CXXC1: variants seen among roughly 807,000 people sequenced by gnomAD.
CXXC1 encodes CXXC finger protein 1.
Under a neutral mutation model 83.6 loss-of-function variants are expected in CXXC1, and 21 were observed. That is an observed-to-expected ratio of 0.25 (90% confidence interval 0.18 to 0.36). The LOEUF (loss-of-function observed/expected upper bound fraction) is 0.36, where lower values mean the gene tolerates loss of function less well. Ranked by LOEUF, CXXC1 falls within the 10% of genes least tolerant of loss-of-function variation. The probability of loss-of-function intolerance (pLI) is 1.00; values close to 1 mark genes in which losing one functional copy is unlikely to be tolerated. For missense variants in CXXC1, 688 were observed against 919.5 expected, an observed-to-expected ratio of 0.75 and a Z score of 3.26; for synonymous variants, 371 against 337.5, an observed-to-expected ratio of 1.10 and a Z score of -1.09.
rs1272791367 is a variant in CXXC1 at position 50,286,272 on chromosome 18, G to A, written c.224-15C>T. 1.2e-5 allele frequency: 19 copies of A among 1,584,196 alleles called. No homozygotes were observed. Among genetic ancestry groups the A allele is most frequent in the Non-Finnish European group, 1.6e-5 (19 of 1,165,178 alleles). On this transcript the variant is annotated splice_polypyrimidine_tract_variant and intron_variant, in intron 3 of 14. Transcript: ENST00000285106. ...GGGGTCTTTCTCTGTGGGGCAGAGA[G>A]TAGGGCCAAAGTGAGTGAGCACTGG...
rs768767279 is a variant in CXXC1, at chr18:50,286,249, G to A, written c.232C>T (p.Pro78Ser). The stretch of plus-strand genomic sequence containing the variant: ...TGCCGATAGCGAATCTCTAGCTTGG[G>A]GTCTTTCTCTGTGGGGCAGAGAGTA... ...WYCRECREKD[P>S]KLEIRYRHKK... Residue 78 changes from proline (P) to serine (S), a missense_variant, in exon 4 of 15, where the codon CCC becomes TCC. Physicochemically the swap from Pro to Ser is moderately conservative, Grantham distance 74. This residue lies in a region of CXXC1 where 142 missense variants were observed against 150.7 expected (regional missense o/e 0.94). Coordinates refer to ENST00000285106, the MANE Select transcript of CXXC1 (RefSeq NM_014593.4). 1.7e-5 allele frequency: 27 copies of A among 1,604,970 alleles called. No individual in the cohort carries two copies. Among genetic ancestry groups the A allele is most frequent in the African/African-American group, 9.3e-5 (7 of 74,928 alleles).
Position 50,282,840 on chromosome 18 carries a change from G to A in CXXC1, c.1824+14C>T, listed in dbSNP as rs1344094407. 1.2e-6 allele frequency: 2 copies of A among 1,613,776 alleles called. No individual in the cohort carries two copies. ...ACCTACCACATGCAGCACCAAAACC[G>A]CACAGAAACCTACCACACGCACGCG... On this transcript the variant is annotated intron_variant, in intron 14 of 14. Coordinates refer to ENST00000285106, the MANE Select transcript of CXXC1 (RefSeq NM_014593.4). The surrounding 1 kb of genome is among the most constrained non-coding windows in gnomAD (Gnocchi z 5.8).
At position 50,284,720 on chromosome 18, in the gene CXXC1, C is replaced by CCT. The variant is rs2040685125; in HGVS notation, c.1020+10_1020+11dup. 1 of 1,612,466 alleles carries CCT rather than the reference C, an allele frequency of 6.2e-7. No individual in the cohort carries two copies. Among genetic ancestry groups the CCT allele is most frequent in the African/African-American group, 1.3e-5 (1 of 74,970 alleles). ...CTCTGCCTTTCCACATCCACTTTAC[C>CCT]CTCTCCATCACCTTCTTCTCAGACT... On this transcript the variant is annotated intron_variant, in intron 8 of 14. Transcript: ENST00000285106.
chr18:50,286,650 T>C lies in CXXC1; in HGVS notation c.123-11A>G, dbSNP rs201261811. 791 of 1,613,900 alleles carry C rather than the reference T, an allele frequency of 4.9e-4. 11 individuals carry two copies. In the East Asian group the frequency reaches 0.017, roughly 34 times the overall value. On this transcript the variant is annotated splice_polypyrimidine_tract_variant and intron_variant, in intron 2 of 14. Transcript: ENST00000285106. ...CAGTTGTCACACCCGCTGCAGAGGA[T>C]GGGGCAGGCGATGGAGATGTGAGGG... is the stretch of plus-strand genomic sequence containing the variant.
At chr18:50,283,412 C>T in intron 12 of CXXC1, 51 bp from the exon 13 acceptor site, 1 of 1,601,234 alleles carries the variant, frequency 6.2e-7, no homozygotes, top group Non-Finnish European at 8.6e-7. Context: ...GGAGGTCCAT[C>T]TGTCCTGGCT....
At position 50,282,626 on chromosome 18, in the gene CXXC1, G is replaced by T. The variant is rs532001460; in HGVS notation, c.1938C>A (p.Leu646=). The change falls in exon 15 of 15, where the codon CTC becomes CTA. Residue 646 remains leucine (L), a synonymous_variant. Coordinates refer to ENST00000285106, the MANE Select transcript of CXXC1 (RefSeq NM_014593.4). This position sits in a 1 kb window ranked among gnomAD's most constrained non-coding sequence, Gnocchi z 5.8. ...CGGCACTGGAGCGCAGGTCGGTAGT[G>T]AGGGGATCGTGCTGGATCGTCTGGT... The part of the protein sequence containing the change: ...MLHQTIQHDP[L]TTDLRSSADR The T allele has an allele frequency of 2.2e-5, 35 of 1,611,962 alleles. No homozygotes were observed. In the Admixed American group the frequency reaches 3.2e-4, roughly 15 times the overall value.
In CXXC1 at chr18:50,284,280, C is replaced by T. The variant is rs1378831190; in HGVS notation, c.1205+98G>A. On this transcript the variant is annotated intron_variant, in intron 9 of 14. Transcript: ENST00000285106. ...TGAGTGGGTAGTGGCTGTTTGGTGA[C>T]TGGTGGATAGCTGATTGACTGGTAG... 7.9e-6 allele frequency: 12 copies of T among 1,514,826 alleles called. No homozygotes were observed. In the African/African-American group the frequency reaches 1.4e-4, roughly 17 times the overall value. The allele number at this position is 1,514,826 out of a possible 1,614,324, so 93.8% of individuals were successfully genotyped here.
intron 1 of CXXC1, 164 bp downstream of exon 1, chr18:50,287,423 C>T: frequency 1.2e-6 from 1 of 835,986 alleles, no homozygotes; most frequent in Non-Finnish European, 1.9e-6. Flanking sequence ...CGTGGCTCAC[C>T]ATAGAACTCC....
At position 50,284,582 on chromosome 18, in the gene CXXC1, A is replaced by C. The variant is rs1204747019; in HGVS notation, c.1021-20T>G. 1.3e-6 allele frequency: 2 copies of C among 1,580,118 alleles called. No individual in the cohort carries two copies. The highest frequency in any genetic ancestry group is 1.7e-6 in the Non-Finnish European group (2 of 1,160,632). On this transcript the variant is annotated intron_variant, in intron 8 of 14. Transcript: ENST00000285106. ...CTCCTTCTGTTGAGCAAGACAAGTC[A>C]GGTCAGGGTGGAGTCAAAGTCAGCC...
chr18:50,283,952 T>C lies in CXXC1; in HGVS notation c.1355A>G (p.His452Arg). The change falls in exon 10 of 15, where the codon CAT becomes CGT. Residue 452 changes from histidine to arginine, a missense_variant. Physicochemically the swap from His to Arg is conservative, Grantham distance 29. This residue lies in a region of CXXC1 where 100 missense variants were observed against 142.5 expected (regional missense o/e 0.70). Transcript: ENST00000285106. Reference protein sequence around the residue: ...TRLQEMERRFHELEAIILRAK... With the variant: ...TRLQEMERRFRELEAIILRAK... ...ACGTAGAATGATGGCCTCAAGCTCA[T>C]GGAATCGGCGTTCCATTTCCTGAAG... is the stretch of plus-strand genomic sequence containing the variant. 2 of 1,613,962 alleles carry C rather than the reference T, an allele frequency of 1.2e-6. No individual in the cohort carries two copies. Among genetic ancestry groups the C allele is most frequent in the Non-Finnish European group, 1.7e-6 (2 of 1,180,004 alleles).
chr18:50,284,242 G>C lies in CXXC1; in HGVS notation c.1205+136C>G, dbSNP rs780621181. On this transcript the variant is annotated intron_variant, in intron 9 of 14. Coordinates refer to ENST00000285106, the MANE Select transcript of CXXC1 (RefSeq NM_014593.4). ...GATGGACACACGGGCAGGTGGGTGGGTAGGTGGATGGGTGAGTGGGTAGTG... is the reference window on the plus strand; with the variant it reads ...GATGGACACACGGGCAGGTGGGTGGCTAGGTGGATGGGTGAGTGGGTAGTG... The C allele has an allele frequency of 6.2e-6, 9 of 1,443,250 alleles. No homozygotes were observed. In the African/African-American group the frequency reaches 8.3e-5, roughly 13 times the overall value. The allele number at this position is 1,443,250 out of a possible 1,614,324, so 89.4% of individuals were successfully genotyped here.
Position 50,284,707 on chromosome 18 carries a change from ACATCCACTTTACCCTCTC to A in CXXC1, c.1020+7_1020+24del. The stretch of plus-strand genomic sequence containing the variant: ...CCTCAACCCCACCCTCTGCCTTTCC[ACATCCACTTTACCCTCTC>A]CATCACCTTCTTCTCAGACTTCTTC... On this transcript the variant is annotated splice_region_variant and intron_variant, in intron 8 of 14. Transcript: ENST00000285106. The A allele has an allele frequency of 6.2e-7, 1 of 1,610,422 alleles. No homozygotes were observed. The highest frequency in any genetic ancestry group is 1.1e-5 in the South Asian group (1 of 90,744).
At chr18:50,283,672 A>G (rs369609808) in intron 11 of CXXC1, 33 bp downstream of exon 11, 25 of 1,610,680 alleles carry the variant, frequency 1.6e-5, no homozygotes, top group Middle Eastern at 1.6e-4. Context: ...TGATGTTCCC[A>G]CATGGTCCGC....
At chr18:50,287,035 T>C (rs2040725840) in intron 1 of CXXC1, 177 bp from the exon 2 acceptor site, 1 of 601,662 alleles carries the variant, frequency 1.7e-6, no homozygotes, top group African/African-American at 1.9e-5. Flanking sequence ...TCCTCTGACA[T>C]CCTATTACTC....
chr18:50,286,990 C>T (rs2040725177), intron 1 of CXXC1, 132 bp from the exon 2 acceptor site: 2 of 686,340 alleles, frequency 2.9e-6, no homozygotes, highest in Non-Finnish European at 5.3e-6. Context: ...CCCCAAAAAA[C>T]CTCTCCATCA....
Position 50,283,506 on chromosome 18 carries a change from C to T in CXXC1, c.1574+9G>A, listed in dbSNP as rs1418558755. 9 of 1,613,930 alleles carry T rather than the reference C, an allele frequency of 5.6e-6. No homozygotes were observed. Among genetic ancestry groups the T allele is most frequent in the Non-Finnish European group, 7.6e-6 (9 of 1,179,914 alleles). On this transcript the variant is annotated intron_variant, in intron 12 of 14. Transcript: ENST00000285106. ...CCCCCACCTCTCACTGCGTGGCACC[C>T]TCACTTACCCTTCAATGCGTGTGGG...
Position 50,285,905 on chromosome 18 carries a change from C to G in CXXC1, c.483G>C (p.Gln161His). The change falls in exon 5 of 15, where the codon CAG becomes CAC. Residue 161 changes from glutamine (Q) to histidine (H), a missense_variant. This residue lies in a region of CXXC1 where 35 missense variants were observed against 92.2 expected (regional missense o/e 0.38). Coordinates refer to ENST00000285106, the MANE Select transcript of CXXC1 (RefSeq NM_014593.4). This position sits in a 1 kb window ranked among gnomAD's most constrained non-coding sequence, Gnocchi z 4.4. ...PSQHHQQQQQ[Q>H]IKRSARMCGE... is the part of the protein sequence containing the mutation. ...CACACATGCGGGCTGACCGTTTGATCTGCTGCTGCTGCTGCTGGTGATGCT... is the reference window on the plus strand; with the variant it reads ...CACACATGCGGGCTGACCGTTTGATGTGCTGCTGCTGCTGCTGGTGATGCT... 1.3e-6 allele frequency: 2 copies of G among 1,535,312 alleles called. No homozygotes were observed. Among genetic ancestry groups the G allele is most frequent in the Non-Finnish European group, 1.8e-6 (2 of 1,125,598 alleles).
intron 2 of CXXC1, 42 bp downstream of exon 2, chr18:50,286,698 C>G: frequency 6.2e-7 from 1 of 1,609,900 alleles, no homozygotes; most frequent in Non-Finnish European, 8.5e-7. Context: ...GGCCTCACCC[C>G]ACCCTGCCAG....
In CXXC1 at chr18:50,284,078, T is replaced by G; in HGVS notation, c.1229A>C (p.Gln410Pro). The G allele has an allele frequency of 2.5e-6, 4 of 1,607,726 alleles. No homozygotes were observed. Among genetic ancestry groups the G allele is most frequent in the Non-Finnish European group, 3.4e-6 (4 of 1,178,512 alleles). ...AANRIYEILP[Q>P]RIQQWQQSPC... is the part of the protein sequence containing the mutation. ...GCTCTGCTGCCACTGCTGGATGCGCTGGGGGAGGATCTCGTAGATGCGGCT... is the reference window on the plus strand; with the variant it reads ...GCTCTGCTGCCACTGCTGGATGCGCGGGGGGAGGATCTCGTAGATGCGGCT... Residue 410 changes from glutamine (Q) to proline (P), a missense_variant, in exon 10 of 15, where the codon CAG becomes CCG. By Grantham distance (76) the Gln-to-Pro change is moderately conservative (BLOSUM62 -1). This residue lies in a region of CXXC1 where 100 missense variants were observed against 142.5 expected (regional missense o/e 0.70). Transcript: ENST00000285106.
Sources: allele counts gnomAD v4.1 joint callset, GRCh38; gene constraint gnomAD v4.1.1; regional missense constraint gnomAD v4.1.1; non-coding constraint Gnocchi (gnomAD v3.1); transcripts MANE v1.5; gene names NCBI Gene and HGNC (gene_info 2026-07-23, HGNC 2026-07-21).